The following CERS6 variants were observed in gnomAD, a reference collection of about 807,000 sequenced individuals.
The protein encoded by CERS6 is ceramide synthase 6, also known as LAG1 homolog, ceramide synthase 6.
A neutral mutation model predicts 56.8 loss-of-function variants in CERS6; 26 were observed. The ratio of observed to expected loss-of-function variants is 0.46; its 90% CI spans 0.34 to 0.63. The LOEUF (loss-of-function observed/expected upper bound fraction) is 0.63. CERS6 is among the 30% of genes least tolerant of loss of function. CERS6 has a pLI of 0.01. For missense variants in CERS6, 415 were observed against 467.5 expected (o/e 0.89, Z 1.04); for synonymous variants, 164 against 173.3 (o/e 0.95, Z 0.42).
chr2:168,654,826 A>G (rs1685430171), intron 4 of CERS6, among the ~76,000 whole-genome samples: 1 of 152,222 alleles, frequency 6.6e-6, no homozygotes, highest in African/African-American at 2.4e-5. Flanking sequence ...ACAAGGCAAT[A>G]TAGTCTTATT....
At chr2:168,646,316 T>A (rs527568140) in intron 4 of CERS6, among the ~76,000 whole-genome samples, 1 of 152,322 alleles carries the variant, frequency 6.6e-6, no homozygotes, top group Non-Finnish European at 1.5e-5. Context: ...TTTTTTCATA[T>A]GCTTGTTGGC....
intron 1 of CERS6, among the ~76,000 whole-genome samples, chr2:168,479,524 A>T (rs1311525291): frequency 1.3e-5 from 2 of 152,216 alleles, no homozygotes; most frequent in African/African-American, 2.4e-5. Context: ...TAGAAAGTTT[A>T]ATGCATGCTT....
In CERS6 at chr2:168,538,968, T is replaced by A. The variant is rs200282781; in HGVS notation, c.171-8628T>A. ...AGGGAGTGTGGAAAATATTGTTTTT[T>A]TTTTTTTTTTTTTTTGAGACGGAGT... On this transcript the variant is annotated intron_variant, in intron 1 of 9. Coordinates refer to ENST00000305747, the MANE Select transcript of CERS6 (RefSeq NM_203463.3). 9.2e-3 allele frequency among the ~76,000 whole-genome samples: 10 copies of A among 1,090 alleles called. 2 individuals carry two copies. In the Non-Finnish European group the frequency reaches 0.4, roughly 44 times the overall value. 0.7% of individuals were successfully genotyped at this position (1,090 alleles called of 152,430 possible).
intron 4 of CERS6, among the ~76,000 whole-genome samples, chr2:168,636,712 C>T (rs1559030390): frequency 6.6e-6 from 1 of 152,304 alleles, no homozygotes; most frequent in East Asian, 1.9e-4. Context: ...CTGCTTATTG[C>T]ATCTTCCTTT....
chr2:168,504,083 A>C (rs540657465), intron 1 of CERS6, among the ~76,000 whole-genome samples: 1 of 152,230 alleles, frequency 6.6e-6, no homozygotes, highest in Non-Finnish European at 1.5e-5. Flanking sequence ...CAAGTGAAGT[A>C]TGTCAGTAAG....
chr2:168,619,897 A>G (rs971795000), intron 3 of CERS6, among the ~76,000 whole-genome samples: 1 of 151,096 alleles, frequency 6.6e-6, no homozygotes, highest in Non-Finnish European at 1.5e-5. Context: ...TTATAGCTGC[A>G]CAATTCACAA....
intron 1 of CERS6, among the ~76,000 whole-genome samples, chr2:168,508,060 C>CT (rs746103135): frequency 6.6e-6 from 1 of 152,084 alleles, no homozygotes; most frequent in Non-Finnish European, 1.5e-5. Flanking sequence ...TTTTTATTTG[C>CT]TTTTGTCTGT....
intron 1 of CERS6, 31 bp from the exon 2 acceptor site, chr2:168,547,565 C>A: frequency 1.4e-6 from 2 of 1,394,010 alleles, no homozygotes; most frequent in Non-Finnish European, 2.0e-6. Context: ...TAAATTCTGA[C>A]CTTCTACTTT....
In CERS6 at chr2:168,522,684, A is replaced by G. The variant is rs564700624; in HGVS notation, c.171-24912A>G. Among the ~76,000 whole-genome samples, 6 of 152,190 alleles carry G rather than the reference A, an allele frequency of 3.9e-5. No homozygotes were observed. In the South Asian group the frequency reaches 1.0e-3, roughly 26 times the overall value. ...CCACTGAGTAGCTGGGACTACTGGC[A>G]TGTACCACTGCAACTGGCTAATTTT... On this transcript the variant is annotated intron_variant, in intron 1 of 9. Coordinates refer to ENST00000305747, the MANE Select transcript of CERS6 (RefSeq NM_203463.3).
intron 1 of CERS6, among the ~76,000 whole-genome samples, chr2:168,536,503 T>C (rs1398256638): frequency 1.3e-5 from 2 of 152,210 alleles, no homozygotes; most frequent in Non-Finnish European, 2.9e-5. Flanking sequence ...TCTGCTTCAC[T>C]ATAGTAGCCA....
At chr2:168,470,670 A>G (rs1229870685) in intron 1 of CERS6, among the ~76,000 whole-genome samples, 1 of 152,146 alleles carries the variant, frequency 6.6e-6, no homozygotes, top group Non-Finnish European at 1.5e-5. Context: ...CCACACTTAA[A>G]TGGCTGCTTG....
At chr2:168,629,220 T>C (rs942646115) in intron 3 of CERS6, among the ~76,000 whole-genome samples, 3 of 152,228 alleles carry the variant, frequency 2.0e-5, no homozygotes, top group Non-Finnish European at 4.4e-5. Context: ...GGAATTCCAA[T>C]GACTTCTGTA....
At chr2:168,586,707 C>G (rs1338683809) in intron 3 of CERS6, among the ~76,000 whole-genome samples, 1 of 152,010 alleles carries the variant, frequency 6.6e-6, no homozygotes, top group African/African-American at 2.4e-5. Flanking sequence ...CTGTCTGTAC[C>G]CCTGATAAGC....
intron 6 of CERS6, among the ~76,000 whole-genome samples, chr2:168,696,231 C>T (rs923512471): frequency 6.6e-6 from 1 of 152,122 alleles, no homozygotes. Context: ...ACAAAGTGCT[C>T]CTGACTGAAG....
intron 9 of CERS6, among the ~76,000 whole-genome samples, chr2:168,768,654 C>G (rs1684783021): frequency 1.3e-5 from 2 of 151,826 alleles, no homozygotes; most frequent in South Asian, 4.2e-4. Flanking sequence ...ACCTGTAATC[C>G]CAACACTTCG....
At chr2:168,620,696 C>T (rs1396107272) in intron 3 of CERS6, among the ~76,000 whole-genome samples, 4 of 151,080 alleles carry the variant, frequency 2.6e-5, no homozygotes, top group Admixed American at 6.6e-5. Flanking sequence ...TGTTATGAGA[C>T]GTGTAGTAGA....
intron 7 of CERS6, among the ~76,000 whole-genome samples, chr2:168,717,662 G>A (rs1158808148): frequency 6.6e-6 from 1 of 152,122 alleles, no homozygotes; most frequent in Non-Finnish European, 1.5e-5. Context: ...TTCTACTTAT[G>A]GCTAATGCTG....
intron 1 of CERS6, among the ~76,000 whole-genome samples, chr2:168,468,395 A>G (rs1336877468): frequency 6.6e-6 from 1 of 152,200 alleles, no homozygotes; most frequent in Non-Finnish European, 1.5e-5. Flanking sequence ...CAAGTTTGGC[A>G]TTTATATTGA....
intron 8 of CERS6, among the ~76,000 whole-genome samples, chr2:168,764,069 CAA>C (rs1178845757): frequency 6.6e-6 from 1 of 152,182 alleles, no homozygotes; most frequent in African/African-American, 2.4e-5. Context: ...CCAGTTACCT[CAA>C]ATAATTTTTC....
Sources: gnomAD v4.1 joint callset for allele counts (sites outside exome capture counted in the v4.1 genomes callset) on GRCh38, gnomAD v4.1.1 for gene constraint, MANE v1.5 for transcripts, NCBI Gene and HGNC (gene_info 2026-07-23, HGNC 2026-07-21) for gene names.